Variants in PCDHA4 observed in about 807,000 individuals in gnomAD.
The protein encoded by PCDHA4 is protocadherin alpha-4.
A neutral mutation model predicts 61.4 loss-of-function variants in PCDHA4; 49 were observed. The ratio of observed to expected loss-of-function variants is 0.80; its 90% CI spans 0.63 to 1.01. The LOEUF (loss-of-function observed/expected upper bound fraction) is 1.01, where lower values mean the gene tolerates loss of function less well. Among genes scored for constraint, PCDHA4 ranks in the 50% least tolerant of loss-of-function variants. PCDHA4 has a pLI of 0.00. For synonymous variants in PCDHA4, 590 were observed against 550.3 expected, an observed-to-expected ratio of 1.07 and a Z score of -1.01; for missense variants, 1,254 against 1,235.8, an observed-to-expected ratio of 1.01 and a Z score of -0.22.
In PCDHA4 at chr5:140,835,797, T is replaced by C. The variant is rs145155815; in HGVS notation, c.2385+26225T>C. ...CGTGAAGGAGAACAACCCGCCGGGC[T>C]GCCACATCTTCACTGTGTCGGCGGG... On this transcript the variant is annotated intron_variant, in intron 1 of 3. Coordinates refer to ENST00000530339, the MANE Select transcript of PCDHA4 (RefSeq NM_018907.4). 2.2e-3 allele frequency: 3,620 copies of C among 1,613,086 alleles called. 43 individuals carry two copies. Among genetic ancestry groups the C allele is most frequent in the Middle Eastern group, 8.4e-3 (47 of 5,592 alleles).
At chr5:140,887,048 A>G (rs997240150) in intron 1 of PCDHA4, among the ~76,000 whole-genome samples, 21 of 152,068 alleles carry the variant, frequency 1.4e-4, no homozygotes, top group Admixed American at 1.4e-3. Context: ...TTTATAGTGC[A>G]TATGTTCTGG....
In PCDHA4 at chr5:140,982,489, A is replaced by G. The variant is rs782634646; in HGVS notation, c.2459A>G (p.Glu820Gly). The change falls in exon 3 of 4, where the codon GAG (glutamate) becomes GGG (glycine). Residue 820 changes from glutamate to glycine, a missense_variant. By Grantham distance (98) the Glu-to-Gly change is moderately conservative. Transcript: ENST00000530339. ...RAGMHSSVHL[E>G]EAGILRAGPG... ...TGTTTATTCAGCTCTGTGCACCTAG[A>G]GGAGGCTGGCATTCTACGGGCTGGT... 3 of 1,614,066 alleles carry G rather than the reference A, an allele frequency of 1.9e-6. No individual in the cohort carries two copies. The African/African-American group carries it at 4.0e-5, about 22-fold the overall frequency.
intron 1 of PCDHA4, chr5:140,816,468 A>G (rs1321714228): frequency 6.6e-6 from 1 of 151,952 alleles, no homozygotes; most frequent in African/African-American, 2.4e-5. Context: ...AGTAATTCAC[A>G]TAGCTCTATT....
At chr5:141,001,975 G>T (rs900969211) in intron 3 of PCDHA4, among the ~76,000 whole-genome samples, 2 of 152,302 alleles carry the variant, frequency 1.3e-5, no homozygotes, top group Non-Finnish European at 2.9e-5. Flanking sequence ...GTCTCTGCGC[G>T]GAAAGCCTGG....
At chr5:140,932,323 C>T (rs1259103502) in intron 1 of PCDHA4, among the ~76,000 whole-genome samples, 1 of 151,814 alleles carries the variant, frequency 6.6e-6, no homozygotes, top group Non-Finnish European at 1.5e-5. Flanking sequence ...ATTAATGTAG[C>T]AAAAATGCAT....
chr5:140,873,878 C>T (rs926010571), intron 1 of PCDHA4, among the ~76,000 whole-genome samples: 2 of 152,196 alleles, frequency 1.3e-5, no homozygotes, highest in African/African-American at 4.8e-5. Context: ...CCAGGCTGGT[C>T]TTGAACTCCT....
intron 1 of PCDHA4, chr5:140,852,935 G>A: frequency 1.6e-6 from 1 of 611,692 alleles, no homozygotes; most frequent in Non-Finnish European, 2.1e-6. Flanking sequence ...CTGGAGTGCA[G>A]TGGTGCCATC....
In PCDHA4 at chr5:140,809,057, G is replaced by A; in HGVS notation, c.1870G>A (p.Val624Met). The stretch of plus-strand genomic sequence containing the variant: ...TGGTGGCGCGCGCATCCCGTTCCGC[G>A]TGGGGCTGTACACTGGCGAGATCAG... The part of the protein sequence containing the change: ...GTGGARIPFR[V>M]GLYTGEISTT... Residue 624 changes from valine (V) to methionine (M), a missense_variant, in exon 1 of 4, where the codon GTG (valine) becomes ATG (methionine). Coordinates refer to ENST00000530339, the MANE Select transcript of PCDHA4 (RefSeq NM_018907.4). The A allele has an allele frequency of 1.2e-6, 2 of 1,613,888 alleles. No homozygotes were observed. Among genetic ancestry groups the A allele is most frequent in the East Asian group, 4.5e-5 (2 of 44,870 alleles).
chr5:141,000,389 CTCTCTCTATATATA>C (rs1429861640), intron 3 of PCDHA4, among the ~76,000 whole-genome samples: 15 of 62,586 alleles, frequency 2.4e-4, no homozygotes, highest in African/African-American at 9.8e-4. Flanking sequence ...CTCTCTCTCT[CTCTCTCTATATATA>C]TATATATATA....
At chr5:140,917,587 C>T (rs2078270380) in intron 1 of PCDHA4, among the ~76,000 whole-genome samples, 1 of 152,164 alleles carries the variant, frequency 6.6e-6, no homozygotes, top group Non-Finnish European at 1.5e-5. Context: ...TTTGTTCATG[C>T]TGAAAGGAAG....
At chr5:140,876,449 G>T (rs1396307044) in intron 1 of PCDHA4, 1 of 1,613,880 alleles carries the variant, frequency 6.2e-7, no homozygotes, top group Non-Finnish European at 8.5e-7. Context: ...ATTGATAAAG[G>T]GATTCCTTCC....
At chr5:140,850,364 C>T in intron 1 of PCDHA4, 1 of 1,597,830 alleles carries the variant, frequency 6.3e-7, no homozygotes, top group Non-Finnish European at 8.6e-7. Flanking sequence ...TCCCGTTCCG[C>T]GTGGGGCTGT....
chr5:140,937,560 T>A (rs933672983), intron 1 of PCDHA4, among the ~76,000 whole-genome samples: 1 of 152,060 alleles, frequency 6.6e-6, no homozygotes, highest in Non-Finnish European at 1.5e-5. Flanking sequence ...GAGGTTGCAG[T>A]GAGCTGGGAT....
intron 1 of PCDHA4, chr5:140,829,019 T>G: frequency 6.2e-7 from 1 of 1,613,680 alleles, no homozygotes; most frequent in South Asian, 1.1e-5. Flanking sequence ...TAATTTGGAT[T>G]TTGAACAAGA....
At chr5:140,853,228 T>C (rs2042677094) in intron 1 of PCDHA4, 2 of 982,222 alleles carry the variant, frequency 2.0e-6, no homozygotes, top group Non-Finnish European at 2.5e-6. Flanking sequence ...ATTGGTAATT[T>C]AGTCCTTCAT....
At chr5:140,968,560 C>T (rs782202250) in intron 1 of PCDHA4, 2 of 1,614,154 alleles carry the variant, frequency 1.2e-6, no homozygotes, top group Admixed American at 1.7e-5. Context: ...CTCGAACTGC[C>T]CCTGCTGGCT....
At chr5:140,876,543 C>T (rs1357446844) in intron 1 of PCDHA4, 10 of 1,614,022 alleles carry the variant, frequency 6.2e-6, no homozygotes, top group African/African-American at 2.7e-5. Context: ...CACTGTCGCT[C>T]CCTGTGCAAG....
In PCDHA4 at chr5:140,856,939, G is replaced by A. The variant is rs1554149308; in HGVS notation, c.2385+47367G>A. The stretch of plus-strand genomic sequence containing the variant: ...GAAGGAAATTTTGGATAAACGAAAG[G>A]ACGGGAGAAATAAAAGTAAATGATG... On this transcript the variant is annotated intron_variant, in intron 1 of 3. Coordinates refer to ENST00000530339, the MANE Select transcript of PCDHA4 (RefSeq NM_018907.4). 1.9e-6 allele frequency: 3 copies of A among 1,593,866 alleles called. No homozygotes were observed. The East Asian group carries it at 6.7e-5, about 36-fold the overall frequency.
chr5:140,957,145 T>A (rs1554222837), intron 1 of PCDHA4, among the ~76,000 whole-genome samples: 1 of 152,156 alleles, frequency 6.6e-6, no homozygotes, highest in Non-Finnish European at 1.5e-5. Context: ...GAACTAAAAA[T>A]TTTGGAGACA....
Sources: gnomAD v4.1 joint callset for allele counts (sites outside exome capture counted in the v4.1 genomes callset) on GRCh38, gnomAD v4.1.1 for gene constraint, MANE v1.5 for transcripts, NCBI Gene and HGNC (gene_info 2026-07-23, HGNC 2026-07-21) for gene names.